HIVEP3: variants seen among roughly 807,000 people sequenced by gnomAD.
HIVEP3 encodes the protein transcription factor HIVEP3.
A neutral mutation model predicts 152.8 loss-of-function variants in HIVEP3; 49 were observed. The ratio of observed to expected loss-of-function variants is 0.32; its 90% CI spans 0.26 to 0.41. The LOEUF (loss-of-function observed/expected upper bound fraction) is 0.41, where lower values mean the gene tolerates loss of function less well. HIVEP3 is among the 10% of genes least tolerant of loss of function. The pLI, the probability that HIVEP3 is intolerant of heterozygous loss-of-function variation, is 1.00. For synonymous variants in HIVEP3, 1,269 were observed against 1,289.0 expected, an observed-to-expected ratio of 0.98 and a Z score of 0.33; for missense variants, 2,790 against 3,103.3, an observed-to-expected ratio of 0.90 and a Z score of 2.40.
intron 1 of HIVEP3, among the ~76,000 whole-genome samples, chr1:41,943,351 GT>G (rs1395289784): frequency 6.6e-6 from 1 of 152,194 alleles, no homozygotes; most frequent in African/African-American, 2.4e-5. Context: ...ATATTTTATA[GT>G]TTTAAGTTCA....
intron 1 of HIVEP3, among the ~76,000 whole-genome samples, chr1:41,777,726 A>G (rs780942623): frequency 1.4e-4 from 22 of 152,256 alleles, no homozygotes; most frequent in Non-Finnish European, 2.6e-4. Flanking sequence ...AGTAGCTGCC[A>G]ATTCTAAAAG....
chr1:41,950,870 T>C (rs1645102737), intron 1 of HIVEP3, among the ~76,000 whole-genome samples: 1 of 152,226 alleles, frequency 6.6e-6, no homozygotes. Context: ...AAAATGGTCT[T>C]ATTGGTCCAT....
intron 5 of HIVEP3, among the ~76,000 whole-genome samples, chr1:41,565,806 G>A (rs761201572): frequency 3.3e-5 from 5 of 152,050 alleles, no homozygotes; most frequent in African/African-American, 4.8e-5. Flanking sequence ...GGCTGTACCC[G>A]CTTGAAAAAA....
intron 1 of HIVEP3, among the ~76,000 whole-genome samples, chr1:41,801,280 C>T (rs1331081447): frequency 6.6e-6 from 1 of 152,122 alleles, no homozygotes; most frequent in Non-Finnish European, 1.5e-5. Flanking sequence ...CCCTCCCTTG[C>T]CCCAGGTAAT....
chr1:41,525,043 G>A, intron 5 of HIVEP3, 133 bp from the exon 6 acceptor site: 3 of 816,264 alleles, frequency 3.7e-6, no homozygotes, highest in Non-Finnish European at 5.7e-6. Flanking sequence ...CGGAACCAGA[G>A]AGGACCACGA....
intron 3 of HIVEP3, among the ~76,000 whole-genome samples, chr1:41,594,277 C>A (rs917418675): frequency 7.2e-5 from 11 of 152,248 alleles, no homozygotes; most frequent in African/African-American, 2.6e-4. Flanking sequence ...GGATGGAGTG[C>A]AGTGACTTGA....
At position 41,580,901 on chromosome 1, in the gene HIVEP3, A is replaced by C. The variant is rs899933601; in HGVS notation, c.3897T>G (p.Pro1299=). The C allele has an allele frequency of 6.2e-7, 1 of 1,612,350 alleles. No homozygotes were observed. The highest frequency in any genetic ancestry group is 1.3e-5 in the African/African-American group (1 of 75,064). Residue 1299 remains proline (P), a synonymous_variant, in exon 4 of 9, where the codon CCT becomes CCG. Transcript: ENST00000372583. Reference sequence around the variant, plus strand: ...GCAGGGCCAGTGGAGGAGCTGATGTAGGTGCTGAGGAGCTGGCTGGGGGAG... The same window carrying C: ...GCAGGGCCAGTGGAGGAGCTGATGTCGGTGCTGAGGAGCTGGCTGGGGGAG... The part of the protein sequence containing the change: ...PVAPPASSSA[P]TSAPPLALPA...
At position 41,510,676 on chromosome 1, in the gene HIVEP3, C is replaced by A. The variant is rs1351122572; in HGVS notation, c.6996G>T (p.Leu2332Phe). 6.6e-7 allele frequency: 1 copy of A among 1,522,358 alleles called. No individual in the cohort carries two copies. The highest frequency in any genetic ancestry group is 2.4e-5 in the East Asian group (1 of 40,926). The allele number at this position is 1,522,358 out of a possible 1,614,324, so 94.3% of individuals were successfully genotyped here. Reference protein sequence around the residue: ...RRAAQSWSPRLESPRAPTNPE... With the variant: ...RRAAQSWSPRFESPRAPTNPE... ...GGTTGGTCGGTGCACGCGGGGACTC[C>A]AAGCGGGGGCTCCAGGACTGCGCTG... The change falls in exon 9 of 9, where the codon TTG (leucine) becomes TTT (phenylalanine). Residue 2332 changes from leucine to phenylalanine, a missense_variant. Coordinates refer to ENST00000372583, the MANE Select transcript of HIVEP3 (RefSeq NM_024503.5).
chr1:41,684,864 G>A (rs1192204566), intron 2 of HIVEP3, among the ~76,000 whole-genome samples: 1 of 152,222 alleles, frequency 6.6e-6, no homozygotes, highest in African/African-American at 2.4e-5. Context: ...TTTCACTGGT[G>A]AGGTGAGGGC....
intron 1 of HIVEP3, among the ~76,000 whole-genome samples, chr1:41,983,985 A>T (rs887664177): frequency 6.6e-6 from 1 of 152,128 alleles, no homozygotes; most frequent in Non-Finnish European, 1.5e-5. Flanking sequence ...TTTTTGAGAG[A>T]GAGAGAGACA....
At chr1:41,609,991 C>A (rs924290241) in intron 3 of HIVEP3, among the ~76,000 whole-genome samples, 1 of 152,218 alleles carries the variant, frequency 6.6e-6, no homozygotes, top group Non-Finnish European at 1.5e-5. Context: ...CTCGGTTGAA[C>A]GCCTTAACAG....
chr1:41,672,844 T>C (rs2124073815), intron 2 of HIVEP3, among the ~76,000 whole-genome samples: 1 of 152,314 alleles, frequency 6.6e-6, no homozygotes, highest in African/African-American at 2.4e-5. Context: ...TGAGAAAGAA[T>C]GAGTTAAACA....
chr1:41,938,611 G>A (rs541801283), intron 1 of HIVEP3, among the ~76,000 whole-genome samples: 3 of 152,322 alleles, frequency 2.0e-5, no homozygotes, highest in East Asian at 1.9e-4. Flanking sequence ...AAGGATTTGA[G>A]CAGTTAGTGG....
chr1:41,821,247 G>A (rs1034617949), intron 1 of HIVEP3, among the ~76,000 whole-genome samples: 2 of 152,062 alleles, frequency 1.3e-5, no homozygotes, highest in African/African-American at 4.8e-5. Context: ...CCTCATCACC[G>A]GTCCTCACTC....
chr1:41,688,156 T>A (rs1646140669), intron 2 of HIVEP3, among the ~76,000 whole-genome samples: 2 of 152,358 alleles, frequency 1.3e-5, no homozygotes, highest in Non-Finnish European at 2.9e-5. Context: ...GCTTGACAGG[T>A]GACCTCCAGA....
rs561947124 is a variant in HIVEP3 at position 41,758,187 on chromosome 1, T to C, written c.-800-57192A>G. On this transcript the variant is annotated intron_variant, in intron 1 of 8. Coordinates refer to ENST00000372583, the MANE Select transcript of HIVEP3 (RefSeq NM_024503.5). ...AAGGCTGCCTTCCCCGGACAGGTTT[T>C]GGTGGGGTCTGAAGACCATTCCCAG... Among the ~76,000 whole-genome samples, 27 of 152,280 alleles carry C rather than the reference T, an allele frequency of 1.8e-4. 1 individual carries two copies. The East Asian group carries it at 3.3e-3, about 19-fold the overall frequency.
chr1:41,519,185 G>A (rs1642691520), intron 6 of HIVEP3, among the ~76,000 whole-genome samples: 3 of 152,202 alleles, frequency 2.0e-5, no homozygotes, highest in Admixed American at 1.3e-4. Context: ...CCAATCTACA[G>A]TGCAGACACA....
chr1:41,585,572 G>C (rs1429022244), intron 3 of HIVEP3, among the ~76,000 whole-genome samples: 1 of 152,146 alleles, frequency 6.6e-6, no homozygotes, highest in Non-Finnish European at 1.5e-5. Flanking sequence ...TGAGGACTGT[G>C]GCCATGTGGG....
chr1:41,518,598 T>A, intron 6 of HIVEP3, 110 bp from the exon 7 acceptor site: 1 of 1,017,036 alleles, frequency 9.8e-7, no homozygotes, highest in Non-Finnish European at 1.5e-6. Flanking sequence ...CTCAGGCCAG[T>A]CAAGGCCCTG....
Sources: gnomAD v4.1 joint callset for allele counts (sites outside exome capture counted in the v4.1 genomes callset) on GRCh38, gnomAD v4.1.1 for gene constraint, MANE v1.5 for transcripts, NCBI Gene and HGNC (gene_info 2026-07-23, HGNC 2026-07-21) for gene names.